ATP2A1: variants seen among roughly 807,000 people sequenced by gnomAD.
The protein encoded by ATP2A1 is sarcoplasmic/endoplasmic reticulum calcium ATPase 1.
A neutral mutation model predicts 109.5 loss-of-function variants in ATP2A1; 83 were observed. That is an observed-to-expected ratio of 0.76 (90% CI 0.63 to 0.91). The LOEUF (loss-of-function observed/expected upper bound fraction) is 0.91, where lower values mean the gene tolerates loss of function less well. Among genes scored for constraint, ATP2A1 ranks in the 40% least tolerant of loss-of-function variants. ATP2A1 has a pLI of 0.00. For synonymous variants in ATP2A1, 505 were observed against 537.6 expected, an observed-to-expected ratio of 0.94 and a Z score of 0.84; for missense variants, 1,101 against 1,341.0, an observed-to-expected ratio of 0.82 and a Z score of 2.80.
At chr16:28,892,129 G>A (rs1373541132) in intron 9 of ATP2A1, among the ~76,000 whole-genome samples, 1 of 152,158 alleles carries the variant, frequency 6.6e-6, no homozygotes, top group Non-Finnish European at 1.5e-5. Flanking sequence ...TGAGAGATCT[G>A]CAACAGTGGT....
At chr16:28,897,062 C>T (rs182966285) in intron 12 of ATP2A1, among the ~76,000 whole-genome samples, 39 of 151,964 alleles carry the variant, frequency 2.6e-4, no homozygotes, top group African/African-American at 8.4e-4. Flanking sequence ...GCCTAAGCAA[C>T]AGAGCAAGAC....
intron 5 of ATP2A1, 84 bp downstream of exon 5, chr16:28,882,673 C>G: frequency 4.5e-6 from 7 of 1,566,072 alleles, no homozygotes; most frequent in Non-Finnish European, 6.1e-6. Context: ...AGGCTCGGAT[C>G]CAGGTGTCCA....
chr16:28,880,849 C>A lies in ATP2A1; in HGVS notation c.220-66C>A. 2 of 1,456,136 alleles carry A rather than the reference C, an allele frequency of 1.4e-6. No homozygotes were observed. Among genetic ancestry groups the A allele is most frequent in the South Asian group, 1.1e-5 (1 of 87,784 alleles). The allele number at this position is 1,456,136 out of a possible 1,614,324, so 90.2% of individuals were successfully genotyped here. A position where few individuals can be genotyped will look rare whatever the true frequency, so the allele number is the denominator to read the frequency against. On this transcript the variant is annotated intron_variant, in intron 3 of 22. Transcript: ENST00000395503. The surrounding 1 kb of genome is among the most constrained non-coding windows in gnomAD (Gnocchi z 4.2). ...GCACAGTTCTCCCCTTTGCAGTGGT[C>A]CACTTCCTTTCTCCATCTGTTTTGG...
Position 28,902,599 on chromosome 16 carries a change from C to A in ATP2A1, c.2544C>A (p.Thr848=), listed in dbSNP as rs370857311. The A allele has an allele frequency of 2.7e-5, 43 of 1,613,978 alleles. No individual in the cohort carries two copies. The highest frequency in any genetic ancestry group is 3.6e-5 in the Non-Finnish European group (43 of 1,179,990). The change falls in exon 18 of 23, where the codon ACC becomes ACA. Residue 848 remains threonine, a synonymous_variant. Coordinates refer to ENST00000395503, the MANE Select transcript of ATP2A1 (RefSeq NM_004320.6). The surrounding 1 kb of genome is among the most constrained non-coding windows in gnomAD (Gnocchi z 4.8). ...CCACAGGCTATGTGGGTGCAGCCAC[C>A]GTGGGAGCAGCTGCCTGGTGGTTCC... ...MAIGGYVGAA[T]VGAAAWWFLY... is the part of the protein sequence containing the mutation.
At chr16:28,886,126 A>C (rs1169232507) in intron 6 of ATP2A1, among the ~76,000 whole-genome samples, 1 of 152,042 alleles carries the variant, frequency 6.6e-6, no homozygotes, top group Admixed American at 6.6e-5. Flanking sequence ...AGCTATGATT[A>C]CCACGGCAGT....
In ATP2A1 at chr16:28,900,547, A is replaced by G. The variant is rs373791549; in HGVS notation, c.1765-34A>G. The G allele has an allele frequency of 3.1e-3, 4,289 of 1,365,734 alleles. 9 individuals carry two copies. Among genetic ancestry groups the G allele is most frequent in the Non-Finnish European group, 3.9e-3 (4,063 of 1,044,554 alleles). 84.6% of individuals were successfully genotyped at this position (1,365,734 alleles called of 1,614,324 possible). A position where few individuals can be genotyped will look rare whatever the true frequency, so the allele number is the denominator to read the frequency against. ...CTCCAGGGGAGTTTTCCAGATCCCC[A>G]CCTGACCTGTGGCTCTCTGCTGTAT... On this transcript the variant is annotated intron_variant, in intron 14 of 22. Coordinates refer to ENST00000395503, the MANE Select transcript of ATP2A1 (RefSeq NM_004320.6).
At position 28,880,073 on chromosome 16, in the gene ATP2A1, A is replaced by G. The variant is rs985356227; in HGVS notation, c.219+490A>G. The stretch of plus-strand genomic sequence containing the variant: ...GGGAAAGCGCGGCGGTGTGATGATG[A>G]CTCCAAGGAGCCCGGCGCCCGGTCA... On this transcript the variant is annotated intron_variant, in intron 3 of 22. Transcript: ENST00000395503. The surrounding 1 kb of genome is among the most constrained non-coding windows in gnomAD (Gnocchi z 4.2). 17 of 997,754 alleles carry G rather than the reference A, an allele frequency of 1.7e-5. No individual in the cohort carries two copies. The East Asian group carries it at 1.7e-3, about 100-fold the overall frequency. 61.8% of individuals were successfully genotyped at this position (997,754 alleles called of 1,614,324 possible).
intron 6 of ATP2A1, among the ~76,000 whole-genome samples, chr16:28,885,923 T>TG (rs1273709102): frequency 6.6e-6 from 1 of 151,890 alleles, no homozygotes; most frequent in South Asian, 2.1e-4. Flanking sequence ...CCCAGTGCTT[T>TG]GGGAGGCTGA....
At position 28,903,900 on chromosome 16, in the gene ATP2A1, G is replaced by A. The variant is rs1047511801; in HGVS notation, c.*37+159G>A. The A allele has an allele frequency of 3.8e-6, 3 of 796,174 alleles. No homozygotes were observed. Among genetic ancestry groups the A allele is most frequent in the Non-Finnish European group, 6.4e-6 (3 of 467,064 alleles). 49.3% of individuals were successfully genotyped at this position (796,174 alleles called of 1,614,324 possible). A position where few individuals can be genotyped will look rare whatever the true frequency, so the allele number is the denominator to read the frequency against. ...CGCTTCCAGTCAGGGTGGGCCGCTG[G>A]CCTCCCACTGGGCGTCAGTTTGGCT... On this transcript the variant is annotated intron_variant, in intron 22 of 22. Transcript: ENST00000395503. This position sits in a 1 kb window ranked among gnomAD's most constrained non-coding sequence, Gnocchi z 5.6.
chr16:28,893,663 T>G (rs555130490), intron 9 of ATP2A1, among the ~76,000 whole-genome samples: 8 of 150,670 alleles, frequency 5.3e-5, no homozygotes, highest in South Asian at 2.1e-4. Context: ...TTGTTTTTTT[T>G]TTTTTTTTTG....
chr16:28,889,448 AG>A lies in ATP2A1; in HGVS notation c.1095+498del, dbSNP rs535840751. ...ATTTTTTTGCATTTGTAATAGAGAC[AG>A]GGTTCGCCATGTTGGCCAGGCTGGT... On this transcript the variant is annotated intron_variant, in intron 9 of 22. Transcript: ENST00000395503. Among the ~76,000 whole-genome samples the A allele has an allele frequency of 7.2e-5, 11 of 152,050 alleles. No individual in the cohort carries two copies. The East Asian group carries it at 2.1e-3, about 29-fold the overall frequency.
At chr16:28,879,045 G>A (rs769373031) in intron 1 of ATP2A1, 54 bp from the exon 2 acceptor site, 2 of 1,611,442 alleles carry the variant, frequency 1.2e-6, no homozygotes, top group Admixed American at 3.3e-5. Flanking sequence ...GGGTGTGGGG[G>A]GCATGAGGCT....
chr16:28,896,421 T>C lies in ATP2A1; in HGVS notation c.1419+1468T>C, dbSNP rs528868280. On this transcript the variant is annotated intron_variant, in intron 12 of 22. Transcript: ENST00000395503. ...TTCTGTATTTTTAGTAGAGACGAGT[T>C]TTTTTTTTTGAGACGGAGTCTCTCT... is the stretch of plus-strand genomic sequence containing the variant. 4.7e-4 allele frequency among the ~76,000 whole-genome samples: 71 copies of C among 150,564 alleles called. No homozygotes were observed. In the East Asian group the frequency reaches 0.011, roughly 23 times the overall value.
chr16:28,880,407 C>T lies in ATP2A1; in HGVS notation c.220-508C>T, dbSNP rs369452829. Among the ~76,000 whole-genome samples, 8 of 152,386 alleles carry T rather than the reference C, an allele frequency of 5.2e-5. No individual in the cohort carries two copies. The highest frequency in any genetic ancestry group is 1.9e-4 in the African/African-American group (8 of 41,592). On this transcript the variant is annotated intron_variant, in intron 3 of 22. Transcript: ENST00000395503. The surrounding 1 kb of genome is among the most constrained non-coding windows in gnomAD (Gnocchi z 4.2). The stretch of plus-strand genomic sequence containing the variant: ...CTCAGATTTGCTCCTTGACATTTGC[C>T]TGCTGCCTGGCGGTGGCAACAGCTG...
intron 9 of ATP2A1, 77 bp from the exon 10 acceptor site, chr16:28,894,078 A>G (rs1963850342): frequency 3.1e-6 from 4 of 1,284,602 alleles, no homozygotes; most frequent in Middle Eastern, 1.9e-4. Context: ...TTGGCAGTGC[A>G]GGCCTCCCTT....
chr16:28,887,995 G>A (rs1361361929), intron 8 of ATP2A1, among the ~76,000 whole-genome samples: 2 of 151,040 alleles, frequency 1.3e-5, no homozygotes, highest in East Asian at 1.9e-4. Context: ...TAGATACGGG[G>A]TTTCACCGTG....
intron 6 of ATP2A1, among the ~76,000 whole-genome samples, chr16:28,886,830 T>C (rs1383818413): frequency 1.8e-5 from 2 of 108,552 alleles, no homozygotes; most frequent in African/African-American, 3.5e-5. Context: ...CTACTAAAAA[T>C]ACAAAAAAAA....
At chr16:28,891,629 C>A (rs1214502067) in intron 9 of ATP2A1, among the ~76,000 whole-genome samples, 1 of 135,128 alleles carries the variant, frequency 7.4e-6, no homozygotes, top group Non-Finnish European at 1.5e-5. Flanking sequence ...CGGTGGCTCA[C>A]ACCTGTAATC....
At chr16:28,879,349 C>T (rs1963381635) in intron 2 of ATP2A1, 152 bp from the exon 3 acceptor site, 1 of 880,998 alleles carries the variant, frequency 1.1e-6, no homozygotes, top group Non-Finnish European at 1.9e-6. Context: ...TTTCTGGACT[C>T]CAGGCGAGCT....
Sources: allele counts gnomAD v4.1 joint callset (sites outside exome capture counted in the v4.1 genomes callset), GRCh38; gene constraint gnomAD v4.1.1; non-coding constraint Gnocchi (gnomAD v3.1); transcripts MANE v1.5; gene names NCBI Gene and HGNC (gene_info 2026-07-23, HGNC 2026-07-21).